Variants in KIF1A observed in about 807,000 individuals in gnomAD.
KIF1A encodes kinesin family member 1A.
A neutral mutation model predicts 227.3 loss-of-function variants in KIF1A; 46 were observed. The ratio of observed to expected loss-of-function variants is 0.20; its 90% confidence interval spans 0.16 to 0.26. The LOEUF (loss-of-function observed/expected upper bound fraction) is 0.26. Among genes scored for constraint, KIF1A ranks in the 10% least tolerant of loss-of-function variants. The pLI, the probability that KIF1A is intolerant of heterozygous loss-of-function variation, is 1.00. For missense variants in KIF1A, 1,683 were observed against 2,485.9 expected (o/e 0.68, Z 6.87); for synonymous variants, 1,022 against 1,012.8 (o/e 1.01, Z -0.17).
rs1267868744 is a variant in KIF1A at position 240,778,910 on chromosome 2, A to T, written c.883-2984T>A. Among the ~76,000 whole-genome samples, 1 of 150,792 alleles carries T rather than the reference A, an allele frequency of 6.6e-6. No homozygotes were observed. Among genetic ancestry groups the T allele is most frequent in the Non-Finnish European group, 1.5e-5 (1 of 67,778 alleles). ...GCGGGTGCACACACACTTTCCACACACTTCCTCAGGCCATTCGCCCGTGTG... is the reference window on the plus strand; with the variant it reads ...GCGGGTGCACACACACTTTCCACACTCTTCCTCAGGCCATTCGCCCGTGTG... On this transcript the variant is annotated intron_variant, in intron 10 of 48. Transcript: ENST00000498729. The surrounding 1 kb of genome is among the most constrained non-coding windows in gnomAD (Gnocchi z 7.2).
intron 16 of KIF1A, among the ~76,000 whole-genome samples, 156 bp downstream of exon 16, chr2:240,769,470 TG>T (rs1253645313): frequency 8.5e-5 from 13 of 152,188 alleles, no homozygotes; most frequent in Admixed American, 8.5e-4. Flanking sequence ...TGGGGGTCAT[TG>T]GCGATGAGGG....
intron 1 of KIF1A, among the ~76,000 whole-genome samples, chr2:240,809,337 GAGCCTTGGTAGAA>G (rs2057682956): frequency 6.6e-6 from 1 of 152,148 alleles, no homozygotes; most frequent in Non-Finnish European, 1.5e-5. Flanking sequence ...CTATGATCTC[GAGCCTTGGTAGAA>G]AGCCCTGGCA....
In KIF1A at chr2:240,786,383, G is replaced by T; in HGVS notation, c.560C>A (p.Thr187Asn). 1 of 1,613,706 alleles carries T rather than the reference G, an allele frequency of 6.2e-7. No individual in the cohort carries two copies. Among genetic ancestry groups the T allele is most frequent in the Non-Finnish European group, 8.5e-7 (1 of 1,179,796 alleles). Residue 187 changes from threonine (T) to asparagine (N), a missense_variant, in exon 6 of 49, where the codon ACC (threonine) becomes AAC (asparagine). Coordinates refer to ENST00000498729, the MANE Select transcript of KIF1A (RefSeq NM_001244008.2). Reference sequence around the variant, plus strand: ...GAGGTCCTGGATGTCATTGTAGGAGGTGACAGCCAGCTTGGAGAGGTCCTC... The same window carrying T: ...GAGGTCCTGGATGTCATTGTAGGAGTTGACAGCCAGCTTGGAGAGGTCCTC... Reference protein sequence around the residue: ...YVEDLSKLAVTSYNDIQDLMD... With the variant: ...YVEDLSKLAVNSYNDIQDLMD...
At chr2:240,729,996 G>A (rs533096934) in intron 38 of KIF1A, among the ~76,000 whole-genome samples, 17 of 152,342 alleles carry the variant, frequency 1.1e-4, no homozygotes, top group African/African-American at 3.8e-4. Flanking sequence ...TACCCTAAAT[G>A]CCTCGCAACC....
Position 240,789,110 on chromosome 2 carries a change from G to A in KIF1A, c.183+126C>T. 2 of 737,264 alleles carry A rather than the reference G, an allele frequency of 2.7e-6. No homozygotes were observed. The allele number at this position is 737,264 out of a possible 1,614,324, so 45.7% of individuals were successfully genotyped here. On this transcript the variant is annotated intron_variant, in intron 3 of 48. Transcript: ENST00000498729. The surrounding 1 kb of genome is among the most constrained non-coding windows in gnomAD (Gnocchi z 4.8). ...GACCGCTCAGGGTGACCTTCCAGGG[G>A]AGCAGGGTGGGGTCCTCGCCCCAGT...
chr2:240,796,157 T>C (rs2056370939), intron 2 of KIF1A, among the ~76,000 whole-genome samples: 1 of 151,672 alleles, frequency 6.6e-6, no homozygotes, highest in South Asian at 2.1e-4. Flanking sequence ...CCACCCGGAG[T>C]CGAAGGTCAC....
In KIF1A at chr2:240,724,013, T is replaced by G. The variant is rs2045704169; in HGVS notation, c.4280A>C (p.Glu1427Ala). 3.7e-6 allele frequency: 6 copies of G among 1,612,554 alleles called. No individual in the cohort carries two copies. Among genetic ancestry groups the G allele is most frequent in the Non-Finnish European group, 5.1e-6 (6 of 1,179,818 alleles). ...GTCAGCCACGTGGCACAGGCTGAGC[T>G]CGTACACACCAGTCACACGGTTACT... ...SESNRVTGVY[E>A]LSLCHVADAG... Residue 1427 changes from glutamate to alanine, a missense_variant, in exon 41 of 49, where the codon GAG (glutamate) becomes GCG (alanine). By Grantham distance (107) the Glu-to-Ala change is moderately radical. Coordinates refer to ENST00000498729, the MANE Select transcript of KIF1A (RefSeq NM_001244008.2).
At chr2:240,730,267 C>T (rs913267637) in intron 38 of KIF1A, among the ~76,000 whole-genome samples, 7 of 152,200 alleles carry the variant, frequency 4.6e-5, no homozygotes, top group African/African-American at 1.2e-4. Context: ...TGGGGCCCAC[C>T]GGGCTTGCAG....
intron 1 of KIF1A, among the ~76,000 whole-genome samples, chr2:240,799,935 G>T (rs1447076516): frequency 2.0e-5 from 3 of 152,120 alleles, no homozygotes; most frequent in Non-Finnish European, 4.4e-5. Context: ...ATTCCGATAA[G>T]CAAAATATTC....
chr2:240,816,431 G>A (rs553389298), intron 1 of KIF1A, among the ~76,000 whole-genome samples: 4 of 152,224 alleles, frequency 2.6e-5, no homozygotes, highest in African/African-American at 9.6e-5. Context: ...GTGTGGCCGG[G>A]TGACTGCTCT....
intron 37 of KIF1A, among the ~76,000 whole-genome samples, chr2:240,738,888 T>C (rs2047649908): frequency 6.6e-6 from 1 of 152,210 alleles, no homozygotes; most frequent in African/African-American, 2.4e-5. Flanking sequence ...GGGCTCAGAA[T>C]GTGAGGGCAG....
chr2:240,808,435 G>T (rs2057595454), intron 1 of KIF1A, among the ~76,000 whole-genome samples: 1 of 151,918 alleles, frequency 6.6e-6, no homozygotes, highest in Non-Finnish European at 1.5e-5. Flanking sequence ...GAGGTAGAAG[G>T]ATTGCTTGAG....
In KIF1A at chr2:240,774,172, G is replaced by A. The variant is rs539193788; in HGVS notation, c.1037+11C>T. 1.3e-6 allele frequency: 2 copies of A among 1,560,610 alleles called. No homozygotes were observed. The highest frequency in any genetic ancestry group is 1.1e-5 in the South Asian group (1 of 87,638). ...AGCGGGAAGCAGAGCTTGTCTCCCT[G>A]GAGAACTCACCTCAGCGTGCTAAGG... On this transcript the variant is annotated intron_variant, in intron 12 of 48. Transcript: ENST00000498729.
chr2:240,743,043 G>A, intron 33 of KIF1A, 59 bp from the exon 34 acceptor site: 1 of 1,365,234 alleles, frequency 7.3e-7, no homozygotes. Context: ...GGGGTCAGAA[G>A]GAGACAGAAG....
In KIF1A at chr2:240,789,634, C is replaced by A. The variant is rs573480259; in HGVS notation, c.107-322G>T. Among the ~76,000 whole-genome samples, 2 of 152,212 alleles carry A rather than the reference C, an allele frequency of 1.3e-5. No individual in the cohort carries two copies. Among genetic ancestry groups the A allele is most frequent in the Non-Finnish European group, 2.9e-5 (2 of 68,026 alleles). ...GAGGATCCTTCCCACCTGCAAGCTGCGGCCCCTCCATCTCTGGTGTCCACC... is the reference window on the plus strand; with the variant it reads ...GAGGATCCTTCCCACCTGCAAGCTGAGGCCCCTCCATCTCTGGTGTCCACC... On this transcript the variant is annotated intron_variant, in intron 2 of 48. Transcript: ENST00000498729. This position sits in a 1 kb window ranked among gnomAD's most constrained non-coding sequence, Gnocchi z 4.8.
At position 240,793,062 on chromosome 2, in the gene KIF1A, A is replaced by T. The variant is rs1456815300; in HGVS notation, c.107-3750T>A. Among the ~76,000 whole-genome samples the T allele has an allele frequency of 6.6e-6, 1 of 152,190 alleles. No individual in the cohort carries two copies. On this transcript the variant is annotated intron_variant, in intron 2 of 48. Coordinates refer to ENST00000498729, the MANE Select transcript of KIF1A (RefSeq NM_001244008.2). This position sits in a 1 kb window ranked among gnomAD's most constrained non-coding sequence, Gnocchi z 4.8. ...TTTCTGTCATTTGAAGCCATTCAGCATGTAGCCCTCTGTAACAGCAGCCCC... is the reference window on the plus strand; with the variant it reads ...TTTCTGTCATTTGAAGCCATTCAGCTTGTAGCCCTCTGTAACAGCAGCCCC...
chr2:240,810,271 T>C (rs2057759502), intron 1 of KIF1A, among the ~76,000 whole-genome samples: 2 of 152,112 alleles, frequency 1.3e-5, no homozygotes, highest in East Asian at 1.9e-4. Flanking sequence ...AGAGGACAGA[T>C]AAAAATAAAA....
Position 240,814,757 on chromosome 2 carries a change from T to A in KIF1A, c.-61+5365A>T, listed in dbSNP as rs545257389. Among the ~76,000 whole-genome samples, 219 of 152,160 alleles carry A rather than the reference T, an allele frequency of 1.4e-3. 1 individual carries two copies. The highest frequency in any genetic ancestry group is 4.9e-3 in the African/African-American group (202 of 41,512). On this transcript the variant is annotated intron_variant, in intron 1 of 48. Transcript: ENST00000498729. ...GCCTGGGCAACATGGCAAAACCCCG[T>A]CTACAAAAAATTAGCCAGGTGTGGT... is the stretch of plus-strand genomic sequence containing the variant.
In KIF1A at chr2:240,771,266, C is replaced by T. The variant is rs1575601093; in HGVS notation, c.1208-162G>A. The T allele has an allele frequency of 1.4e-5, 12 of 837,894 alleles. No individual in the cohort carries two copies. The East Asian group carries it at 2.9e-4, about 21-fold the overall frequency. 51.9% of individuals were successfully genotyped at this position (837,894 alleles called of 1,614,324 possible). On this transcript the variant is annotated intron_variant, in intron 14 of 48. Coordinates refer to ENST00000498729, the MANE Select transcript of KIF1A (RefSeq NM_001244008.2). ...ATGGGAAAAAGTAAGAGATGGGGCC[C>T]AGAGAAGGCAAGAAACAGAAACCAT...
Sources: gnomAD v4.1 joint callset for allele counts (sites outside exome capture counted in the v4.1 genomes callset) on GRCh38, gnomAD v4.1.1 for gene constraint, Gnocchi (gnomAD v3.1) non-coding constraint, MANE v1.5 for transcripts, NCBI Gene and HGNC (gene_info 2026-07-23, HGNC 2026-07-21) for gene names.